The following GTPBP4 variants were observed in gnomAD, a reference collection of about 807,000 sequenced individuals.
The protein encoded by GTPBP4 is GTP-binding protein 4.
Under a neutral mutation model 81.7 loss-of-function variants are expected in GTPBP4, and 15 were observed. The ratio of observed to expected loss-of-function variants is 0.18; its 90% CI spans 0.12 to 0.28. GTPBP4 has a LOEUF of 0.28. GTPBP4 is among the 10% of genes least tolerant of loss of function. The pLI, the probability that GTPBP4 is intolerant of heterozygous loss-of-function variation, is 1.00. For synonymous variants in GTPBP4, 272 were observed against 274.6 expected, an observed-to-expected ratio of 0.99 and a Z score of 0.09; for missense variants, 847 against 793.8, an observed-to-expected ratio of 1.07 and a Z score of -0.81.
rs773179957 is a variant in GTPBP4, at chr10:996,261, C to T, written c.460+19C>T. ...GAGCAAGGTGCTTGTCACGCATCCG[C>T]GGGAACCGTGCTAGCATCCTGCTGA... On this transcript the variant is annotated intron_variant, in intron 4 of 16. Coordinates refer to ENST00000360803, the MANE Select transcript of GTPBP4 (RefSeq NM_012341.3). 4.2e-5 allele frequency: 67 copies of T among 1,604,136 alleles called. No homozygotes were observed. Among genetic ancestry groups the T allele is most frequent in the Non-Finnish European group, 3.0e-5 (35 of 1,174,790 alleles).
intron 15 of GTPBP4, among the ~76,000 whole-genome samples, 191 bp from the exon 16 acceptor site, chr10:1,015,554 TGGGAGCGG>T (rs1831969715): frequency 7.4e-6 from 1 of 135,436 alleles, no homozygotes; most frequent in Admixed American, 7.3e-5. Context: ...GCGCTGAGCC[TGGGAGCGG>T]GGCTGGGGTC....
At chr10:1,002,154 C>T (rs1463912757) in intron 8 of GTPBP4, among the ~76,000 whole-genome samples, 1 of 152,120 alleles carries the variant, frequency 6.6e-6, no homozygotes, top group East Asian at 1.9e-4. Flanking sequence ...AATTTATGAC[C>T]TCAAGTGATC....
At chr10:995,904 C>T (rs770631557) in intron 2 of GTPBP4, 25 bp from the exon 3 acceptor site, 21 of 1,359,340 alleles carry the variant, frequency 1.5e-5, no homozygotes, top group African/African-American at 8.6e-5. Context: ...CCCAAGTGAC[C>T]GTGGTGTGCT....
rs1832025477 is a variant in GTPBP4, at chr10:1,018,299, T to TGC, written c.*1072_*1073insGC. ...AATTAGCCATGCGTGGTGGTGGGCATCTGTAATCCTAGCTGCTCGGGAGGC... is the reference window on the plus strand; with the variant it reads ...AATTAGCCATGCGTGGTGGTGGGCATGCCTGTAATCCTAGCTGCTCGGGAGGC... On this transcript the variant is annotated 3_prime_UTR_variant, in exon 17 of 17. Transcript: ENST00000360803. 2 of 151,474 alleles carry TGC rather than the reference T, an allele frequency of 1.3e-5. No homozygotes were observed. Among genetic ancestry groups the TGC allele is most frequent in the Non-Finnish European group, 2.9e-5 (2 of 67,990 alleles). The allele number at this position is 151,474 out of a possible 1,614,324, so 9.4% of individuals were successfully genotyped here. A position where few individuals can be genotyped will look rare whatever the true frequency, so the allele number is the denominator to read the frequency against.
At chr10:994,941 T>C (rs576560827) in intron 2 of GTPBP4, among the ~76,000 whole-genome samples, 1 of 152,202 alleles carries the variant, frequency 6.6e-6, no homozygotes, top group African/African-American at 2.4e-5. Context: ...ATGAATGCAG[T>C]GAAGCCATGG....
At chr10:988,575 T>C (rs1310939932) in intron 1 of GTPBP4, 48 bp downstream of exon 1, 1 of 1,465,530 alleles carries the variant, frequency 6.8e-7, no homozygotes, top group South Asian at 1.1e-5. Context: ...TCTCCTCAGC[T>C]GGGTCCCCGG....
At chr10:993,784 A>G (rs986789613) in intron 2 of GTPBP4, among the ~76,000 whole-genome samples, 3 of 151,840 alleles carry the variant, frequency 2.0e-5, no homozygotes, top group African/African-American at 4.8e-5. Flanking sequence ...ATATTTAAAC[A>G]AGTTATAATG....
rs189616559 is a variant in GTPBP4 at position 1,005,669 on chromosome 10, A to G, written c.913-149A>G. 7.1e-4 allele frequency: 420 copies of G among 589,328 alleles called. 2 individuals are homozygous for G. In the African/African-American group the frequency reaches 7.2e-3, roughly 10 times the overall value. 36.5% of individuals were successfully genotyped at this position (589,328 alleles called of 1,614,324 possible). On this transcript the variant is annotated intron_variant, in intron 8 of 16. Coordinates refer to ENST00000360803, the MANE Select transcript of GTPBP4 (RefSeq NM_012341.3). ...GATCATAGAAGAATATGAAGAAAATAACTGTTTTTAGGATATGTCTGTTTT... is the reference window on the plus strand; with the variant it reads ...GATCATAGAAGAATATGAAGAAAATGACTGTTTTTAGGATATGTCTGTTTT...
chr10:997,274 A>G lies in GTPBP4; in HGVS notation c.527A>G (p.Tyr176Cys), dbSNP rs777361137. Residue 176 changes from tyrosine (Y) to cysteine (C), a missense_variant, in exon 5 of 17, where the codon TAC becomes TGC. Transcript: ENST00000360803. ...ACCAGGACCCTGCTTTTGTGTGGGT[A>G]CCCAAATGTTGGGAAGTCCAGCTTC... ...PNTRTLLLCG[Y>C]PNVGKSSFIN... 1 of 1,607,148 alleles carries G rather than the reference A, an allele frequency of 6.2e-7. No individual in the cohort carries two copies. The highest frequency in any genetic ancestry group is 8.5e-7 in the Non-Finnish European group (1 of 1,173,694).
intron 11 of GTPBP4, 124 bp downstream of exon 11, chr10:1,009,159 C>T (rs1309323274): frequency 7.3e-6 from 5 of 683,202 alleles, no homozygotes; most frequent in Admixed American, 2.5e-5. Flanking sequence ...CGTCAGGCTG[C>T]GGACACAGCA....
intron 5 of GTPBP4, among the ~76,000 whole-genome samples, chr10:997,842 A>G (rs1005788882): frequency 5.9e-5 from 9 of 152,024 alleles, no homozygotes; most frequent in African/African-American, 2.2e-4. Flanking sequence ...GGTCTAGTAG[A>G]GGGACGGTGC....
rs1832039046 is a variant in GTPBP4 at position 1,018,943 on chromosome 10, A to G, written c.*1716A>G. ...CAAGTATGTCTTTATTTGTAAGCAT[A>G]TTACTGAAACGATCAAATGAACAGA... On this transcript the variant is annotated 3_prime_UTR_variant, in exon 17 of 17. Coordinates refer to ENST00000360803, the MANE Select transcript of GTPBP4 (RefSeq NM_012341.3). The G allele has an allele frequency of 6.6e-6, 1 of 152,592 alleles. No individual in the cohort carries two copies. The highest frequency in any genetic ancestry group is 2.1e-4 in the South Asian group (1 of 4,844). 9.5% of individuals were successfully genotyped at this position (152,592 alleles called of 1,614,324 possible). A position where few individuals can be genotyped will look rare whatever the true frequency, so the allele number is the denominator to read the frequency against.
intron 2 of GTPBP4, among the ~76,000 whole-genome samples, chr10:993,072 T>G (rs1831475298): frequency 6.6e-6 from 1 of 151,982 alleles, no homozygotes; most frequent in Non-Finnish European, 1.5e-5. Flanking sequence ...TCAGCTTGGG[T>G]CAGTGGTGTA....
At chr10:1,002,320 C>G (rs1262000466) in intron 8 of GTPBP4, among the ~76,000 whole-genome samples, 1 of 152,054 alleles carries the variant, frequency 6.6e-6, no homozygotes, top group Non-Finnish European at 1.5e-5. Flanking sequence ...TATTATTGAC[C>G]CCTTTTATTA....
At position 1,015,844 on chromosome 10, in the gene GTPBP4, G is replaced by A. The variant is rs201965992; in HGVS notation, c.1700G>A (p.Ser567Asn). 3.2e-5 allele frequency: 52 copies of A among 1,613,870 alleles called. No homozygotes were observed. The highest frequency in any genetic ancestry group is 4.1e-5 in the Non-Finnish European group (48 of 1,179,834). ...DSAPPSSVAR[S>N]GSCSRTPRDV... ...GCTCCCCCGTCCTCTGTGGCCCGGA[G>A]TGGGAGTTGCTCTCGAACTCCACGT... Residue 567 changes from serine (S) to asparagine (N), a missense_variant, in exon 16 of 17, where the codon AGT (serine) becomes AAT (asparagine). Coordinates refer to ENST00000360803, the MANE Select transcript of GTPBP4 (RefSeq NM_012341.3).
rs569070295 is a variant in GTPBP4, at chr10:988,694, C to T, written c.48+167C>T. 156 of 616,390 alleles carry T rather than the reference C, an allele frequency of 2.5e-4. 2 individuals carry two copies. Among genetic ancestry groups the T allele is most frequent in the South Asian group, 2.2e-3 (120 of 53,790 alleles). The allele number at this position is 616,390 out of a possible 1,614,324, so 38.2% of individuals were successfully genotyped here. A position where few individuals can be genotyped will look rare whatever the true frequency, so the allele number is the denominator to read the frequency against. On this transcript the variant is annotated intron_variant, in intron 1 of 16. Coordinates refer to ENST00000360803, the MANE Select transcript of GTPBP4 (RefSeq NM_012341.3). ...GTACTCGGGATCATTTCCCCTCCCC[C>T]AGCAGAATCCGGGGTCCACCAGAGA...
At chr10:1,005,786 A>G in intron 8 of GTPBP4, 32 bp from the exon 9 acceptor site, 1 of 1,206,664 alleles carries the variant, frequency 8.3e-7, no homozygotes, top group Non-Finnish European at 1.2e-6. Flanking sequence ...GAAATGAATA[A>G]TACATCTCTC....
rs147105153 is a variant in GTPBP4 at position 1,005,119 on chromosome 10, G to A, written c.913-699G>A. Among the ~76,000 whole-genome samples the A allele has an allele frequency of 9.5e-3, 1,448 of 152,168 alleles. 14 individuals are homozygous for A. Among genetic ancestry groups the A allele is most frequent in the Non-Finnish European group, 0.015 (1,025 of 67,982 alleles). On this transcript the variant is annotated intron_variant, in intron 8 of 16. Coordinates refer to ENST00000360803, the MANE Select transcript of GTPBP4 (RefSeq NM_012341.3). ...CCCAGCTGTAGGGTGGGTTGCTGGC[G>A]GCCCAGTGTGTTTTTTTTGGTTTGT...
At position 1,019,319 on chromosome 10, in the gene GTPBP4, A is replaced by G; in HGVS notation, c.*2092A>G. ...AAATTTCCTCCCTGCAACCAGGCAG[A>G]TGAGAAATATGGAAATAAGGAAAAG... On this transcript the variant is annotated 3_prime_UTR_variant, in exon 17 of 17. Transcript: ENST00000360803. 1 of 546,570 alleles carries G rather than the reference A, an allele frequency of 1.8e-6. No individual in the cohort carries two copies. The highest frequency in any genetic ancestry group is 3.2e-6 in the Non-Finnish European group (1 of 310,164). 33.9% of individuals were successfully genotyped at this position (546,570 alleles called of 1,614,324 possible). A position where few individuals can be genotyped will look rare whatever the true frequency, so the allele number is the denominator to read the frequency against.
Sources: gnomAD v4.1 joint callset for allele counts (sites outside exome capture counted in the v4.1 genomes callset) on GRCh38, gnomAD v4.1.1 for gene constraint, MANE v1.5 for transcripts, NCBI Gene and HGNC (gene_info 2026-07-23, HGNC 2026-07-21) for gene names.